RBFOX1: variants seen among roughly 807,000 people sequenced by gnomAD.
RBFOX1 encodes the protein RNA binding protein fox-1 homolog 1.
RBFOX1 carries 8 observed loss-of-function variants against 57.7 expected under a neutral mutation model. The observed-to-expected ratio is 0.14, with a 90% CI of 0.08 to 0.25. The LOEUF (loss-of-function observed/expected upper bound fraction) is 0.25, where lower values mean the gene tolerates loss of function less well. RBFOX1 is among the 10% of genes least tolerant of loss of function. The probability of loss-of-function intolerance (pLI) is 1.00; values close to 1 mark genes in which losing one functional copy is unlikely to be tolerated. For missense variants in RBFOX1, 611 were observed against 548.5 expected (o/e 1.11, Z -1.14); for synonymous variants, 326 against 222.4 (o/e 1.47, Z -4.15).
intron 3 of RBFOX1, among the ~76,000 whole-genome samples, chr16:7,015,241 G>C (rs76415221): frequency 6.6e-6 from 1 of 152,066 alleles, no homozygotes; most frequent in Non-Finnish European, 1.5e-5. Context: ...CATTATAGGC[G>C]CTGAGGCTAT....
At chr16:6,739,310 A>G (rs1021205745) in intron 3 of RBFOX1, among the ~76,000 whole-genome samples, 4 of 152,124 alleles carry the variant, frequency 2.6e-5, no homozygotes, top group Non-Finnish European at 5.9e-5. Context: ...GACCCTGCAG[A>G]CATTAAAAGG....
rs77468543 is a variant in RBFOX1, at chr16:7,441,803, C to G, written c.28-76344C>G. 4.3e-3 allele frequency among the ~76,000 whole-genome samples: 660 copies of G among 152,242 alleles called. 13 individuals carry two copies. Among genetic ancestry groups the G allele is most frequent in the East Asian group, 0.037 (193 of 5,150 alleles). The stretch of plus-strand genomic sequence containing the variant: ...TTTCCACTCCCAGGTCAACACAGAC[C>G]CTCTTACTCAGGACTCACCTTCGCC... On this transcript the variant is annotated intron_variant, in intron 4 of 15. Transcript: ENST00000550418.
chr16:7,125,285 C>T (rs762483603), intron 4 of RBFOX1, among the ~76,000 whole-genome samples: 1 of 152,220 alleles, frequency 6.6e-6, no homozygotes, highest in Admixed American at 6.5e-5. Context: ...GCAGCATCCT[C>T]ATTTGTGCAG....
chr16:6,885,688 C>A (rs1256951681), intron 3 of RBFOX1, among the ~76,000 whole-genome samples: 5 of 152,028 alleles, frequency 3.3e-5, no homozygotes, highest in African/African-American at 1.2e-4. Context: ...CCTGCCACCA[C>A]ACTCAGCTAA....
rs564206903 is a variant in RBFOX1 at position 7,613,362 on chromosome 16, C to T, written c.676+6024C>T. On this transcript the variant is annotated intron_variant, in intron 10 of 15. Coordinates refer to ENST00000550418, the MANE Select transcript of RBFOX1 (RefSeq NM_018723.4). ...CAAGCTCACCCTAGGGTTACAGGGG[C>T]GATCAGATAATATGAGCATCAGAGA... Among the ~76,000 whole-genome samples, 21 of 152,134 alleles carry T rather than the reference C, an allele frequency of 1.4e-4. No individual in the cohort carries two copies. The South Asian group carries it at 3.9e-3, about 29-fold the overall frequency.
At chr16:6,594,493 C>G (rs114381755) in intron 2 of RBFOX1, among the ~76,000 whole-genome samples, 1,777 of 152,238 alleles carry the variant, frequency 0.012, 48 homozygotes, top group African/African-American at 0.041. Context: ...CTGCCCAGCT[C>G]TCACAGATTG....
chr16:6,154,686 G>A (rs1337679723), intron 1 of RBFOX1, among the ~76,000 whole-genome samples: 1 of 152,194 alleles, frequency 6.6e-6, no homozygotes. Flanking sequence ...TGTCAAAGAA[G>A]AAATGGGATG....
intron 3 of RBFOX1, among the ~76,000 whole-genome samples, chr16:6,902,314 C>T (rs1210009234): frequency 2.0e-5 from 3 of 152,134 alleles, no homozygotes; most frequent in African/African-American, 4.8e-5. Context: ...GCTACTCTTA[C>T]TTGATATGGG....
intron 4 of RBFOX1, among the ~76,000 whole-genome samples, chr16:7,136,593 G>A (rs911395225): frequency 1.3e-5 from 2 of 151,894 alleles, no homozygotes. Context: ...TTGTTTGTTT[G>A]TTGTGTAGAG....
intron 4 of RBFOX1, among the ~76,000 whole-genome samples, chr16:7,163,313 C>T (rs1280265199): frequency 2.0e-5 from 3 of 152,104 alleles, no homozygotes; most frequent in African/African-American, 7.2e-5. Context: ...GCCCTTGTCC[C>T]CTGGTGATGA....
At chr16:6,504,078 CT>C (rs1179469741) in intron 2 of RBFOX1, among the ~76,000 whole-genome samples, 2 of 152,034 alleles carry the variant, frequency 1.3e-5, no homozygotes, top group African/African-American at 4.8e-5. Flanking sequence ...CTTTTTGGTT[CT>C]TTTTTGTTCC....
rs965088406 is a variant in RBFOX1 at position 6,676,162 on chromosome 16, A to G, written c.-16+21512A>G. On this transcript the variant is annotated intron_variant, in intron 3 of 15. Transcript: ENST00000550418. ...CACGCGCACACACACACACACACAC[A>G]CACACACACACACACACACTTCCCT... Among the ~76,000 whole-genome samples, 15 of 151,900 alleles carry G rather than the reference A, an allele frequency of 9.9e-5. 1 individual carries two copies. The South Asian group carries it at 2.9e-3, about 30-fold the overall frequency.
At chr16:5,386,159 T>A (rs138691910) in intron 1 of RBFOX1, among the ~76,000 whole-genome samples, 2,375 of 151,338 alleles carry the variant, frequency 0.016, 40 homozygotes, top group Non-Finnish European at 0.027. Flanking sequence ...GATCACCCAC[T>A]AAGAGGTCAA....
chr16:6,102,894 G>A (rs1174156527), intron 1 of RBFOX1, among the ~76,000 whole-genome samples: 1 of 151,808 alleles, frequency 6.6e-6, no homozygotes, highest in African/African-American at 2.4e-5. Context: ...GTCATTTGGG[G>A]TTTTTTTTAG....
chr16:7,331,424 T>G (rs2096693251), intron 4 of RBFOX1, among the ~76,000 whole-genome samples: 1 of 152,148 alleles, frequency 6.6e-6, no homozygotes, highest in Admixed American at 6.6e-5. Flanking sequence ...TTCATATTAT[T>G]GCTTTCAAAA....
intron 4 of RBFOX1, among the ~76,000 whole-genome samples, chr16:7,060,259 C>T: frequency 6.6e-6 from 1 of 152,232 alleles, no homozygotes; most frequent in South Asian, 2.1e-4. Flanking sequence ...CTCAATAAAA[C>T]TTTATTTACA....
intron 2 of RBFOX1, among the ~76,000 whole-genome samples, chr16:6,628,029 A>G (rs111437358): frequency 2.4e-3 from 369 of 152,322 alleles, no homozygotes; most frequent in Non-Finnish European, 4.1e-3. Flanking sequence ...CAAGTGTGCA[A>G]AGGACATCTC....
chr16:5,776,173 C>T (rs956588489), intron 3 of RBFOX1, among the ~76,000 whole-genome samples: 5 of 152,214 alleles, frequency 3.3e-5, no homozygotes, highest in African/African-American at 7.2e-5. Context: ...TTTCGTTTCA[C>T]TGTGTGAAGG....
chr16:6,193,379 T>TATAATA (rs1555545337), intron 1 of RBFOX1, among the ~76,000 whole-genome samples: 2 of 63,136 alleles, frequency 3.2e-5, no homozygotes, highest in African/African-American at 1.0e-4. Flanking sequence ...TATATATACA[T>TATAATA]TATATATATA....
Sources: allele counts gnomAD v4.1 joint callset (sites outside exome capture counted in the v4.1 genomes callset), GRCh38; gene constraint gnomAD v4.1.1; transcripts MANE v1.5; gene names NCBI Gene and HGNC (gene_info 2026-07-23, HGNC 2026-07-21).